NSMAF: variants seen among roughly 807,000 people sequenced by gnomAD.
NSMAF encodes neutral sphingomyelinase activation associated factor, also known as protein FAN.
Under a neutral mutation model 134.9 loss-of-function variants are expected in NSMAF, and 90 were observed. That is an observed-to-expected ratio of 0.67 (90% CI 0.56 to 0.79). NSMAF has a LOEUF of 0.79. Ranked by LOEUF, NSMAF falls within the 30% of genes least tolerant of loss-of-function variation. The probability of loss-of-function intolerance (pLI) is 0.00; values close to 1 mark genes in which losing one functional copy is unlikely to be tolerated. For missense variants in NSMAF, 1,010 were observed against 1,119.0 expected, an observed-to-expected ratio of 0.90 and a Z score of 1.39; for synonymous variants, 358 against 389.6, an observed-to-expected ratio of 0.92 and a Z score of 0.96.
chr8:58,641,851 AAT>A (rs1463721464), intron 2 of NSMAF, among the ~76,000 whole-genome samples: 1 of 152,238 alleles, frequency 6.6e-6, no homozygotes, highest in Non-Finnish European at 1.5e-5. Flanking sequence ...ATTTTGCCCT[AAT>A]AGTTACTTTA....
chr8:58,654,419 G>T (rs1194595379), intron 1 of NSMAF, among the ~76,000 whole-genome samples: 2 of 152,092 alleles, frequency 1.3e-5, no homozygotes, highest in African/African-American at 2.4e-5. Context: ...GCATGGTGGC[G>T]CATGCCTGTA....
At chr8:58,597,629 T>C (rs927299925) in intron 20 of NSMAF, 79 bp from the exon 21 acceptor site, 4 of 1,340,886 alleles carry the variant, frequency 3.0e-6, no homozygotes, top group Non-Finnish European at 4.2e-6. Flanking sequence ...ATAGTACTGA[T>C]CAATAGGAGG....
chr8:58,609,693 C>A lies in NSMAF; in HGVS notation c.598G>T (p.Ala200Ser), dbSNP rs113493388. ...GTCACCAGAGGCGTCACCATTTCTG[C>A]TTTGCATTCCATGTGCAGCTTTTCA... ...ISEKLHMECK[A>S]EMVTPLVTNP... The change falls in exon 10 of 31, where the codon GCA becomes TCA. Residue 200 changes from alanine to serine, a missense_variant. By Grantham distance (99) the Ala-to-Ser change is moderately conservative. Coordinates refer to ENST00000038176, the MANE Select transcript of NSMAF (RefSeq NM_003580.4). 8.1e-6 allele frequency: 13 copies of A among 1,614,202 alleles called. No homozygotes were observed. In the South Asian group the frequency reaches 1.4e-4, roughly 18 times the overall value.
intron 1 of NSMAF, among the ~76,000 whole-genome samples, chr8:58,648,325 T>C (rs1370257751): frequency 6.6e-6 from 1 of 152,168 alleles, no homozygotes; most frequent in Non-Finnish European, 1.5e-5. Flanking sequence ...GACTTAAAGT[T>C]GGAACTTACA....
chr8:58,618,175 G>A (rs904036434), intron 9 of NSMAF, among the ~76,000 whole-genome samples: 18 of 152,206 alleles, frequency 1.2e-4, no homozygotes, highest in South Asian at 4.2e-4. Context: ...GTGGGGAGCC[G>A]GGGGAGGGAT....
chr8:58,598,232 T>C (rs935583701), intron 19 of NSMAF, among the ~76,000 whole-genome samples: 3 of 152,032 alleles, frequency 2.0e-5, no homozygotes. Context: ...GTTATGAACA[T>C]GGGCGATATG....
chr8:58,630,460 G>A (rs1167985720), intron 6 of NSMAF, among the ~76,000 whole-genome samples: 2 of 152,042 alleles, frequency 1.3e-5, no homozygotes, highest in Non-Finnish European at 2.9e-5. Context: ...AATTCAGCTG[G>A]CTCTCACGAG....
At chr8:58,625,085 T>C (rs559564494) in intron 6 of NSMAF, among the ~76,000 whole-genome samples, 4 of 152,286 alleles carry the variant, frequency 2.6e-5, no homozygotes, top group Non-Finnish European at 4.4e-5. Flanking sequence ...GTAAAACAGA[T>C]TGCCCTCCCC....
intron 9 of NSMAF, among the ~76,000 whole-genome samples, chr8:58,613,977 TGGTA>T (rs1158328888): frequency 2.0e-4 from 30 of 152,140 alleles, no homozygotes; most frequent in African/African-American, 6.8e-4. Flanking sequence ...GACACTCAAG[TGGTA>T]CAGCAAAATG....
intron 14 of NSMAF, among the ~76,000 whole-genome samples, chr8:58,601,801 C>A (rs541178056): frequency 6.6e-6 from 1 of 152,086 alleles, no homozygotes; most frequent in African/African-American, 2.4e-5. Flanking sequence ...GTCTCTTATG[C>A]GATTTACCAC....
At chr8:58,611,210 G>T (rs1053033468) in intron 9 of NSMAF, among the ~76,000 whole-genome samples, 103 of 152,142 alleles carry the variant, frequency 6.8e-4, no homozygotes, top group Non-Finnish European at 2.5e-4. Flanking sequence ...GGATCAATCA[G>T]AGGAAGACTT....
intron 1 of NSMAF, chr8:58,659,225 C>G: frequency 2.7e-6 from 4 of 1,477,106 alleles, no homozygotes; most frequent in African/African-American, 1.5e-5. Flanking sequence ...GCTCGCGTGC[C>G]GGGATCCACG....
intron 1 of NSMAF, among the ~76,000 whole-genome samples, chr8:58,656,413 G>A (rs1807712260): frequency 6.6e-6 from 1 of 152,132 alleles, no homozygotes; most frequent in South Asian, 2.1e-4. Flanking sequence ...AACAATAAAT[G>A]GCACCACTTT....
At chr8:58,598,558 A>G (rs894617473) in intron 19 of NSMAF, among the ~76,000 whole-genome samples, 2 of 151,936 alleles carry the variant, frequency 1.3e-5, no homozygotes, top group Non-Finnish European at 2.9e-5. Flanking sequence ...GGTCTTCCAT[A>G]GGAATTGAGG....
At chr8:58,622,712 T>C (rs1221131263) in intron 9 of NSMAF, among the ~76,000 whole-genome samples, 1 of 152,008 alleles carries the variant, frequency 6.6e-6, no homozygotes, top group African/African-American at 2.4e-5. Context: ...AATTTTTAAT[T>C]TTGCAGAGAC....
rs961305330 is a variant in NSMAF, at chr8:58,623,718, C to T, written c.447G>A (p.Thr149=). The change falls in exon 7 of 31, where the codon ACG becomes ACA. Residue 149 remains threonine, a synonymous_variant. Transcript: ENST00000038176. ...VPGKVEDVVE[T]LLQLHRASCL... is the part of the protein sequence containing the mutation. Reference sequence around the variant, plus strand: ...CCCAGCAAGTGCTTACCTGAAGCAACGTCTCCACAACATCTTCCACTTTCC... The same window carrying T: ...CCCAGCAAGTGCTTACCTGAAGCAATGTCTCCACAACATCTTCCACTTTCC... The T allele has an allele frequency of 1.5e-5, 25 of 1,613,736 alleles. No individual in the cohort carries two copies. The Admixed American group carries it at 2.0e-4, about 13-fold the overall frequency.
intron 6 of NSMAF, among the ~76,000 whole-genome samples, chr8:58,630,787 C>A (rs1387869356): frequency 6.6e-6 from 1 of 152,162 alleles, no homozygotes; most frequent in African/African-American, 2.4e-5. Context: ...ACAATTTGTG[C>A]CGCCTAAGAG....
Position 58,601,471 on chromosome 8 carries a change from T to C in NSMAF, c.1190A>G (p.Tyr397Cys), listed in dbSNP as rs1806278625. Residue 397 changes from tyrosine to cysteine, a missense_variant, in exon 15 of 31, where the codon TAT (tyrosine) becomes TGT (cysteine). Coordinates refer to ENST00000038176, the MANE Select transcript of NSMAF (RefSeq NM_003580.4). ...AATCCTAACAAGATAAAAAAGTACA[T>C]AACCCGGGGAAGAGTAGTGACTCCC... Reference protein sequence around the residue: ...MYGSHYSSPGYVLFYLVRIAP... With the variant: ...MYGSHYSSPGCVLFYLVRIAP... 2.5e-6 allele frequency: 4 copies of C among 1,610,580 alleles called. No individual in the cohort carries two copies. The highest frequency in any genetic ancestry group is 3.4e-6 in the Non-Finnish European group (4 of 1,179,052).
chr8:58,588,519 T>C, intron 26 of NSMAF: 1 of 1,232,012 alleles, frequency 8.1e-7, no homozygotes, highest in East Asian at 2.3e-5. Flanking sequence ...TCCTGACTAC[T>C]TTGCTGTGAA....
Sources: allele counts gnomAD v4.1 joint callset (sites outside exome capture counted in the v4.1 genomes callset), GRCh38; gene constraint gnomAD v4.1.1; transcripts MANE v1.5; gene names NCBI Gene and HGNC (gene_info 2026-07-23, HGNC 2026-07-21).